Variants in ASCC3 observed in about 807,000 individuals in gnomAD.
ASCC3 encodes activating signal cointegrator 1 complex subunit 3.
ASCC3 carries 158 observed loss-of-function variants against 256.3 expected under a neutral mutation model. The ratio of observed to expected loss-of-function variants is 0.62; its 90% CI spans 0.54 to 0.70. The LOEUF (loss-of-function observed/expected upper bound fraction) is 0.70. ASCC3 is among the 30% of genes least tolerant of loss of function. The pLI is 0.00. For missense variants in ASCC3, 2,259 were observed against 2,626.0 expected (o/e 0.86, Z 3.05); for synonymous variants, 948 against 883.4 (o/e 1.07, Z -1.30).
chr6:100,727,344 A>C (rs992971797), intron 10 of ASCC3, among the ~76,000 whole-genome samples: 4 of 151,744 alleles, frequency 2.6e-5, no homozygotes, highest in African/African-American at 9.7e-5. Context: ...CCGCGTATTC[A>C]CAGACTTGTC....
In ASCC3 at chr6:100,651,626, A is replaced by C; in HGVS notation, c.3009T>G (p.Asp1003Glu). Reference sequence around the variant, plus strand: ...AGATATCACCTTCTGTTTTGTGAGCATCAAAGAGTTCATTAAAGGTCTACC... The same window carrying C: ...AGATATCACCTTCTGTTTTGTGAGCCTCAAAGAGTTCATTAAAGGTCTACC... ...NTIETFNELFDAHKTEGDIFA... is the reference protein window; with the variant it reads ...NTIETFNELFEAHKTEGDIFA... Residue 1003 changes from aspartate to glutamate, a missense_variant, in exon 19 of 42, where the codon GAT (aspartate) becomes GAG (glutamate). By Grantham distance (45) the Asp-to-Glu change is conservative. Transcript: ENST00000369162. 1 of 1,582,608 alleles carries C rather than the reference A, an allele frequency of 6.3e-7. No individual in the cohort carries two copies. The highest frequency in any genetic ancestry group is 1.7e-4 in the Middle Eastern group (1 of 5,718).
intron 30 of ASCC3, among the ~76,000 whole-genome samples, chr6:100,618,864 T>C (rs1773801070): frequency 6.6e-6 from 1 of 152,216 alleles, no homozygotes; most frequent in Non-Finnish European, 1.5e-5. Context: ...GAATGCCTTA[T>C]ACATCATGAC....
intron 29 of ASCC3, among the ~76,000 whole-genome samples, chr6:100,627,175 TAGA>T (rs1774279944): frequency 6.6e-6 from 1 of 152,160 alleles, no homozygotes; most frequent in African/African-American, 2.4e-5. Context: ...CCTAATTTGT[TAGA>T]AGAGGAAAAA....
At chr6:100,641,733 T>C (rs1173134376) in intron 24 of ASCC3, among the ~76,000 whole-genome samples, 1 of 152,194 alleles carries the variant, frequency 6.6e-6, no homozygotes, top group Admixed American at 6.5e-5. Context: ...ACTGCAGCAC[T>C]ATTCACAATA....
intron 37 of ASCC3, 119 bp from the exon 38 acceptor site, chr6:100,518,261 A>G: frequency 9.2e-7 from 1 of 1,086,240 alleles, no homozygotes; most frequent in East Asian, 2.6e-5. Context: ...TCTCTAAATT[A>G]CTATTCATCA....
At chr6:100,572,697 T>C (rs534360117) in intron 36 of ASCC3, among the ~76,000 whole-genome samples, 10 of 152,282 alleles carry the variant, frequency 6.6e-5, no homozygotes, top group South Asian at 2.1e-4. Context: ...TCATAATAAA[T>C]AATTTACAAA....
In ASCC3 at chr6:100,646,773, C is replaced by A; in HGVS notation, c.3479-4G>T. 1 of 1,613,178 alleles carries A rather than the reference C, an allele frequency of 6.2e-7. No homozygotes were observed. The highest frequency in any genetic ancestry group is 8.5e-7 in the Non-Finnish European group (1 of 1,179,454). ...TTCACATGATGTAAAATGTGACCTG[C>A]AAGAAAAATATCACATAGAAGAAAT... On this transcript the variant is annotated splice_region_variant and splice_polypyrimidine_tract_variant and intron_variant, in intron 21 of 41. Coordinates refer to ENST00000369162, the MANE Select transcript of ASCC3 (RefSeq NM_006828.4).
intron 36 of ASCC3, among the ~76,000 whole-genome samples, chr6:100,557,869 C>T (rs1172994063): frequency 6.6e-6 from 1 of 151,294 alleles, no homozygotes; most frequent in African/African-American, 2.4e-5. Context: ...ATTTGTAACA[C>T]ATAAAATAAA....
At chr6:100,589,353 ATGACT>A (rs1188651329) in intron 36 of ASCC3, among the ~76,000 whole-genome samples, 1 of 152,074 alleles carries the variant, frequency 6.6e-6, no homozygotes, top group Non-Finnish European at 1.5e-5. Context: ...GGATAGGGTG[ATGACT>A]TGCCTTGCTC....
intron 1 of ASCC3, among the ~76,000 whole-genome samples, chr6:100,871,153 T>A (rs1773721304): frequency 6.6e-6 from 1 of 151,960 alleles, no homozygotes; most frequent in African/African-American, 2.4e-5. Flanking sequence ...TGGAGTGCAG[T>A]GGCGTGATCT....
intron 37 of ASCC3, among the ~76,000 whole-genome samples, chr6:100,529,362 C>T (rs993127376): frequency 6.6e-6 from 1 of 151,942 alleles, no homozygotes; most frequent in African/African-American, 2.4e-5. Flanking sequence ...GTTTATATAG[C>T]ATAATATAAA....
At chr6:100,620,118 G>A (rs1773873325) in intron 30 of ASCC3, among the ~76,000 whole-genome samples, 1 of 152,138 alleles carries the variant, frequency 6.6e-6, no homozygotes, top group African/African-American at 2.4e-5. Flanking sequence ...CACCTCCTAT[G>A]AGAGAAGCCA....
chr6:100,745,515 AAC>A (rs1241992595), intron 10 of ASCC3, among the ~76,000 whole-genome samples: 1 of 143,094 alleles, frequency 7.0e-6, no homozygotes. Context: ...AAAAAAAAAA[AAC>A]AAAAAACAAC....
At chr6:100,700,776 C>T (rs1206955643) in intron 13 of ASCC3, among the ~76,000 whole-genome samples, 1 of 152,230 alleles carries the variant, frequency 6.6e-6, no homozygotes. Context: ...GCTAATTTCT[C>T]CCATTTGGAA....
At chr6:100,516,372 AAAG>A in intron 38 of ASCC3, 45 bp from the exon 39 acceptor site, 4 of 1,610,666 alleles carry the variant, frequency 2.5e-6, no homozygotes, top group Non-Finnish European at 3.4e-6. Context: ...TTCACAGCAC[AAAG>A]AAGATTTTCT....
chr6:100,652,894 G>A lies in ASCC3; in HGVS notation c.2824-5C>T, dbSNP rs781556668. 10 of 1,613,016 alleles carry A rather than the reference G, an allele frequency of 6.2e-6. No individual in the cohort carries two copies. The highest frequency in any genetic ancestry group is 8.5e-6 in the Non-Finnish European group (10 of 1,179,460). On this transcript the variant is annotated splice_polypyrimidine_tract_variant and splice_region_variant and intron_variant, in intron 17 of 41. Coordinates refer to ENST00000369162, the MANE Select transcript of ASCC3 (RefSeq NM_006828.4). ...CTTTCTTAATGTTGGGTCAATCTAT[G>A]GCAAAAAATATATAAACAGTTGAAT...
rs1773093603 is a variant in ASCC3, at chr6:100,608,241, T to TATGTGTGTG, written c.4786-1154_4786-1153insCACACACAT. On this transcript the variant is annotated intron_variant, in intron 30 of 41. Transcript: ENST00000369162. Reference sequence around the variant, plus strand: ...ATATATACTTTATATACTTTATACTTTATATATATACTTTATATATACTTT... The same window carrying TATGTGTGTG: ...ATATATACTTTATATACTTTATACTTATGTGTGTGTATATATATACTTTATATATACTTT... Among the ~76,000 whole-genome samples the TATGTGTGTG allele has an allele frequency of 5.2e-5, 2 of 38,264 alleles. 1 individual carries two copies. Among genetic ancestry groups the TATGTGTGTG allele is most frequent in the Non-Finnish European group, 1.1e-4 (2 of 18,308 alleles). The allele number at this position is 38,264 out of a possible 152,430, so 25.1% of individuals were successfully genotyped here. A position where few individuals can be genotyped will look rare whatever the true frequency, so the allele number is the denominator to read the frequency against.
chr6:100,767,469 G>T (rs1781711513), intron 8 of ASCC3, 124 bp from the exon 9 acceptor site: 1 of 992,736 alleles, frequency 1.0e-6, no homozygotes, highest in Non-Finnish European at 1.5e-6. Context: ...CTTTCACAAT[G>T]TGTCTTTTAT....
chr6:100,801,469 A>G lies in ASCC3; in HGVS notation c.923-965T>C, dbSNP rs556599533. On this transcript the variant is annotated intron_variant, in intron 5 of 41. Transcript: ENST00000369162. ...GAATTAAAAATAGCATCAAGATGGG[A>G]AAATTAGCTTTCTAATTCATTCTAA... Among the ~76,000 whole-genome samples, 7 of 152,198 alleles carry G rather than the reference A, an allele frequency of 4.6e-5. No individual in the cohort carries two copies. In the East Asian group the frequency reaches 1.4e-3, roughly 29 times the overall value.
Sources: gnomAD v4.1 joint callset for allele counts (sites outside exome capture counted in the v4.1 genomes callset) on GRCh38, gnomAD v4.1.1 for gene constraint, MANE v1.5 for transcripts, NCBI Gene and HGNC (gene_info 2026-07-23, HGNC 2026-07-21) for gene names.